Variants in PTPRT observed in about 807,000 individuals in gnomAD.
The protein encoded by PTPRT is protein tyrosine phosphatase receptor type T.
Under a neutral mutation model 176.8 loss-of-function variants are expected in PTPRT, and 56 were observed. That is an observed-to-expected ratio of 0.32 (90% CI 0.26 to 0.40). PTPRT has a LOEUF of 0.40. Ranked by LOEUF, PTPRT falls within the 10% of genes least tolerant of loss-of-function variation. The pLI is 1.00. For missense variants in PTPRT, 1,540 were observed against 1,908.2 expected (o/e 0.81, Z 3.60); for synonymous variants, 783 against 739.0 (o/e 1.06, Z -0.96).
At chr20:42,267,892 C>A (rs1462967678) in intron 13 of PTPRT, among the ~76,000 whole-genome samples, 4 of 152,188 alleles carry the variant, frequency 2.6e-5, no homozygotes, top group Non-Finnish European at 5.9e-5. Flanking sequence ...TTACCTATGA[C>A]TGTGGCTATT....
intron 5 of PTPRT, among the ~76,000 whole-genome samples, chr20:42,757,051 TTAAAAAAA>T (rs1268253767): frequency 1.9e-4 from 24 of 125,918 alleles, no homozygotes; most frequent in African/African-American, 8.6e-4. Context: ...CCCTGCCTCT[TTAAAAAAA>T]AAAAAAAAAA....
intron 13 of PTPRT, among the ~76,000 whole-genome samples, chr20:42,261,624 T>C (rs1470421683): frequency 1.3e-5 from 2 of 152,068 alleles, no homozygotes; most frequent in East Asian, 3.9e-4. Flanking sequence ...GGAAGAGGAA[T>C]GGGGGCTCCT....
intron 1 of PTPRT, among the ~76,000 whole-genome samples, chr20:42,983,486 G>C (rs4141727): frequency 0.83 from 126,950 of 152,222 alleles, 53,155 homozygotes; most frequent in African/African-American, 0.9. Context: ...CACCACCAGG[G>C]TGTTCTGCCT....
At chr20:42,467,050 T>A (rs1345670611) in intron 8 of PTPRT, among the ~76,000 whole-genome samples, 1 of 151,920 alleles carries the variant, frequency 6.6e-6, no homozygotes, top group African/African-American at 2.4e-5. Context: ...GATCTATGAA[T>A]CAACAGGGAG....
At chr20:42,811,724 C>A (rs564505626) in intron 2 of PTPRT, among the ~76,000 whole-genome samples, 1 of 152,138 alleles carries the variant, frequency 6.6e-6, no homozygotes, top group Non-Finnish European at 1.5e-5. Flanking sequence ...CAGGTTTTAA[C>A]CTTCATACCC....
intron 16 of PTPRT, among the ~76,000 whole-genome samples, chr20:42,173,769 T>A (rs1990169903): frequency 6.6e-6 from 1 of 152,162 alleles, no homozygotes; most frequent in Non-Finnish European, 1.5e-5. Context: ...AGAAGGGATA[T>A]AATTATGGAC....
intron 12 of PTPRT, among the ~76,000 whole-genome samples, chr20:42,283,143 C>T (rs887685782): frequency 6.6e-6 from 1 of 151,956 alleles, no homozygotes; most frequent in African/African-American, 2.4e-5. Context: ...TAGCTGTTGC[C>T]AAAGTAAAAA....
At chr20:42,293,042 C>T (rs898172421) in intron 12 of PTPRT, among the ~76,000 whole-genome samples, 5 of 152,170 alleles carry the variant, frequency 3.3e-5, no homozygotes, top group African/African-American at 1.2e-4. Flanking sequence ...TCTAACTGGA[C>T]AAATGTTCAC....
chr20:42,237,203 G>A (rs942564886), intron 14 of PTPRT, among the ~76,000 whole-genome samples: 3 of 152,188 alleles, frequency 2.0e-5, no homozygotes, highest in Non-Finnish European at 4.4e-5. Context: ...AGACACATGA[G>A]AAAAATAAAT....
rs1161635290 is a variant in PTPRT, at chr20:42,472,423, G to A, written c.1293C>T (p.Asn431=). The A allele has an allele frequency of 1.5e-5, 24 of 1,614,256 alleles. No homozygotes were observed. The highest frequency in any genetic ancestry group is 2.0e-5 in the Non-Finnish European group (24 of 1,180,034). ...NLTVQYQYVF[N]QQQYEAEEVI... ...CCTCCTCGGCCTCGTACTGCTGCTG[G>A]TTGAACACATACTGGTACTGCACGG... Residue 431 remains asparagine (N), a synonymous_variant, in exon 8 of 31, where the codon AAC becomes AAT. Coordinates refer to ENST00000373187, the MANE Select transcript of PTPRT (RefSeq NM_007050.6).
In PTPRT at chr20:42,885,907, G is replaced by A. The variant is rs141730873; in HGVS notation, c.114C>T (p.Tyr38=). ...AAGGCSFDEH[Y]SNCGYSVALG... is the part of the protein sequence containing the mutation. Reference sequence around the variant, plus strand: ...GAGCCACACTATAACCACAGTTGCTGTAGTGCTCATCAAAGGAACAGCCAC... The same window carrying A: ...GAGCCACACTATAACCACAGTTGCTATAGTGCTCATCAAAGGAACAGCCAC... The change falls in exon 2 of 31, where the codon TAC becomes TAT. Residue 38 remains tyrosine, a synonymous_variant. Coordinates refer to ENST00000373187, the MANE Select transcript of PTPRT (RefSeq NM_007050.6). The A allele has an allele frequency of 6.5e-4, 1,043 of 1,609,830 alleles. 7 individuals carry two copies. In the African/African-American group the frequency reaches 0.013, roughly 19 times the overall value.
chr20:42,954,554 C>T (rs1168355371), intron 1 of PTPRT, among the ~76,000 whole-genome samples: 2 of 152,172 alleles, frequency 1.3e-5, no homozygotes, highest in Non-Finnish European at 2.9e-5. Context: ...GCATGTTATC[C>T]ACATCTTCAG....
chr20:43,044,396 C>G (rs1007861153), intron 1 of PTPRT, among the ~76,000 whole-genome samples: 6 of 152,144 alleles, frequency 3.9e-5, no homozygotes, highest in African/African-American at 1.4e-4. Context: ...TCCAGGAAGA[C>G]TTGCACAGTG....
intron 1 of PTPRT, among the ~76,000 whole-genome samples, chr20:43,007,662 G>A (rs151158620): frequency 4.6e-5 from 7 of 152,252 alleles, no homozygotes; most frequent in Non-Finnish European, 7.4e-5. Flanking sequence ...CTTTTCTACC[G>A]TAAGGGCTTC....
At chr20:42,558,222 T>C (rs1333964462) in intron 7 of PTPRT, among the ~76,000 whole-genome samples, 2 of 152,106 alleles carry the variant, frequency 1.3e-5, no homozygotes, top group Non-Finnish European at 2.9e-5. Context: ...CTCCCACTTA[T>C]AAGTGACAAC....
chr20:42,327,467 C>G (rs2057901549), intron 11 of PTPRT, among the ~76,000 whole-genome samples: 1 of 151,896 alleles, frequency 6.6e-6, no homozygotes, highest in Non-Finnish European at 1.5e-5. Context: ...TTGAAATTTC[C>G]TGAGCGTGAT....
At chr20:42,491,265 C>T (rs768135043) in intron 7 of PTPRT, among the ~76,000 whole-genome samples, 1 of 152,102 alleles carries the variant, frequency 6.6e-6, no homozygotes, top group African/African-American at 2.4e-5. Flanking sequence ...AAGAGGGCTA[C>T]TAAGCGACTA....
At chr20:42,872,231 G>A (rs6030537) in intron 2 of PTPRT, among the ~76,000 whole-genome samples, 1 of 152,318 alleles carries the variant, frequency 6.6e-6, no homozygotes, top group Non-Finnish European at 1.5e-5. Flanking sequence ...TCAAAACTAG[G>A]TAGATGAAGA....
intron 7 of PTPRT, among the ~76,000 whole-genome samples, chr20:42,601,696 T>C (rs541249581): frequency 7.2e-5 from 11 of 152,314 alleles, no homozygotes; most frequent in African/African-American, 2.6e-4. Context: ...AACAAATCAA[T>C]AAATCAATAA....
Sources: gnomAD v4.1 joint callset for allele counts (sites outside exome capture counted in the v4.1 genomes callset) on GRCh38, gnomAD v4.1.1 for gene constraint, MANE v1.5 for transcripts, NCBI Gene and HGNC (gene_info 2026-07-23, HGNC 2026-07-21) for gene names.